The following ELAVL2 variants were observed in gnomAD, a reference collection of about 807,000 sequenced individuals.
The protein encoded by ELAVL2 is ELAV like RNA binding protein 2.
A neutral mutation model predicts 34.6 loss-of-function variants in ELAVL2; 4 were observed. The ratio of observed to expected loss-of-function variants is 0.12; its 90% CI spans 0.06 to 0.26. The LOEUF is 0.26. Among genes scored for constraint, ELAVL2 ranks in the 10% least tolerant of loss-of-function variants. ELAVL2 has a pLI of 1.00. For synonymous variants in ELAVL2, 193 were observed against 154.8 expected (o/e 1.25, Z -1.83); for missense variants, 432 against 442.8 (o/e 0.98, Z 0.22).
rs186736128 is a variant in ELAVL2, at chr9:23,784,159, C to T, written c.-15-21910G>A. Among the ~76,000 whole-genome samples the T allele has an allele frequency of 3.3e-5, 5 of 152,046 alleles. No individual in the cohort carries two copies. In the East Asian group the frequency reaches 9.7e-4, roughly 29 times the overall value. On this transcript the variant is annotated intron_variant, in intron 1 of 6. Coordinates refer to ENST00000397312, the MANE Select transcript of ELAVL2 (RefSeq NM_004432.5). ...CTTGCTGTGAGCCGAGATTGCGCCA[C>T]GACACTCCAGCCTGGGGCCACAGAG...
At chr9:23,772,534 C>CAAAA (rs11450267) in intron 1 of ELAVL2, among the ~76,000 whole-genome samples, 4,305 of 67,466 alleles carry the variant, frequency 0.064, 119 homozygotes, top group Middle Eastern at 0.15. Flanking sequence ...CAGCTTACAC[C>CAAAA]AAAAAAAAAA....
intron 4 of ELAVL2, among the ~76,000 whole-genome samples, chr9:23,702,492 G>A (rs2037609423): frequency 1.3e-5 from 2 of 151,920 alleles, no homozygotes; most frequent in African/African-American, 2.4e-5. Flanking sequence ...GGCTAGTGGG[G>A]TGACCACAGC....
intron 3 of ELAVL2, among the ~76,000 whole-genome samples, chr9:23,720,499 G>A (rs1205928979): frequency 6.6e-6 from 1 of 152,020 alleles, no homozygotes; most frequent in African/African-American, 2.4e-5. Flanking sequence ...AGGCCCTAAA[G>A]AACCATACTG....
At chr9:23,813,032 C>T (rs903338912) in intron 1 of ELAVL2, among the ~76,000 whole-genome samples, 2 of 152,140 alleles carry the variant, frequency 1.3e-5, no homozygotes, top group Admixed American at 6.5e-5. Flanking sequence ...TGCTTAAAGT[C>T]ACCAAAAGGA....
At chr9:23,719,557 T>A (rs1333453761) in intron 3 of ELAVL2, among the ~76,000 whole-genome samples, 1 of 152,136 alleles carries the variant, frequency 6.6e-6, no homozygotes, top group Non-Finnish European at 1.5e-5. Context: ...TTGGCAAGAG[T>A]ATGCACTGCT....
chr9:23,696,562 G>T (rs1178381718), intron 5 of ELAVL2, among the ~76,000 whole-genome samples: 1 of 152,142 alleles, frequency 6.6e-6, no homozygotes, highest in African/African-American at 2.4e-5. Flanking sequence ...TCTGCCTCCC[G>T]GGTTCACACC....
intron 1 of ELAVL2, among the ~76,000 whole-genome samples, chr9:23,813,544 G>A (rs1045086433): frequency 6.6e-6 from 1 of 151,776 alleles, no homozygotes; most frequent in African/African-American, 2.4e-5. Context: ...AGTTTTTACA[G>A]CATCAAGTAG....
chr9:23,728,903 GA>G (rs2045897233), intron 3 of ELAVL2, among the ~76,000 whole-genome samples: 1 of 152,090 alleles, frequency 6.6e-6, no homozygotes, highest in African/African-American at 2.4e-5. Context: ...TAGGGGCGGG[GA>G]AAGAAGTAGC....
chr9:23,775,292 G>A (rs973707211), intron 1 of ELAVL2, among the ~76,000 whole-genome samples: 1 of 152,098 alleles, frequency 6.6e-6, no homozygotes, highest in African/African-American at 2.4e-5. Context: ...GGTGACTCAC[G>A]CTTGTAATTC....
intron 2 of ELAVL2, among the ~76,000 whole-genome samples, chr9:23,760,010 T>A (rs2054585884): frequency 6.6e-6 from 1 of 151,636 alleles, no homozygotes; most frequent in Non-Finnish European, 1.5e-5. Context: ...TTTTTTAGTA[T>A]CTAGGTATGT....
At chr9:23,709,339 T>TA (rs1245428754) in intron 3 of ELAVL2, among the ~76,000 whole-genome samples, 2 of 152,244 alleles carry the variant, frequency 1.3e-5, no homozygotes, top group East Asian at 3.9e-4. Context: ...GATAGTGGGA[T>TA]AAGGACTCAC....
intron 3 of ELAVL2, among the ~76,000 whole-genome samples, chr9:23,724,215 C>T (rs1036252593): frequency 3.3e-5 from 5 of 152,096 alleles, no homozygotes; most frequent in Non-Finnish European, 7.4e-5. Flanking sequence ...CATCACTATC[C>T]ACTGTGTGGC....
chr9:23,800,364 G>C (rs1211695730), intron 1 of ELAVL2, among the ~76,000 whole-genome samples: 2 of 152,064 alleles, frequency 1.3e-5, no homozygotes, highest in Non-Finnish European at 2.9e-5. Flanking sequence ...GCTCATGCAG[G>C]GGCCTAAGTG....
chr9:23,837,788 A>G, the ELAVL2 span, among the ~76,000 whole-genome samples: 1 of 152,178 alleles, frequency 6.6e-6, no homozygotes, highest in Admixed American at 6.5e-5. Context: ...ATAAACAGAT[A>G]AAGCTCTACT....
intron 3 of ELAVL2, among the ~76,000 whole-genome samples, chr9:23,719,044 G>GACC (rs1195147539): frequency 6.6e-6 from 1 of 152,212 alleles, no homozygotes; most frequent in Non-Finnish European, 1.5e-5. Context: ...GCAATAAAGA[G>GACC]ACCATATCAT....
chr9:23,790,039 C>A (rs2060147122), intron 1 of ELAVL2, among the ~76,000 whole-genome samples: 1 of 149,698 alleles, frequency 6.7e-6, no homozygotes, highest in African/African-American at 2.5e-5. Context: ...TTAAGATACA[C>A]AAAATGACAG....
At chr9:23,796,888 C>A (rs750885011) in intron 1 of ELAVL2, among the ~76,000 whole-genome samples, 1 of 152,156 alleles carries the variant, frequency 6.6e-6, no homozygotes, top group Non-Finnish European at 1.5e-5. Context: ...ACTTGCTTAT[C>A]TCTTCATTTT....
chr9:23,739,478 G>T (rs749446146), intron 2 of ELAVL2, among the ~76,000 whole-genome samples: 7 of 152,156 alleles, frequency 4.6e-5, no homozygotes, highest in South Asian at 4.2e-4. Context: ...AAAAGTTTGG[G>T]TATGCTGCAA....
At chr9:23,770,165 T>C (rs1588303161) in intron 1 of ELAVL2, among the ~76,000 whole-genome samples, 1 of 152,116 alleles carries the variant, frequency 6.6e-6, no homozygotes, top group Admixed American at 6.6e-5. Context: ...CATATACAAG[T>C]ATGAACACAT....
Sources: gnomAD v4.1 joint callset for allele counts (sites outside exome capture counted in the v4.1 genomes callset) on GRCh38, gnomAD v4.1.1 for gene constraint, MANE v1.5 for transcripts, NCBI Gene and HGNC (gene_info 2026-07-23, HGNC 2026-07-21) for gene names.